Variants in ARHGEF26 observed in about 807,000 individuals in gnomAD.
ARHGEF26 encodes Rho guanine nucleotide exchange factor (GEF) 26.
A neutral mutation model predicts 89.4 loss-of-function variants in ARHGEF26; 59 were observed. That is an observed-to-expected ratio of 0.66 (90% CI 0.54 to 0.82). The LOEUF (loss-of-function observed/expected upper bound fraction) is 0.82. Ranked by LOEUF, ARHGEF26 falls within the 40% of genes least tolerant of loss-of-function variation. The pLI is 0.00. For synonymous variants in ARHGEF26, 500 were observed against 428.4 expected, an observed-to-expected ratio of 1.17 and a Z score of -2.06; for missense variants, 1,234 against 1,085.6, an observed-to-expected ratio of 1.14 and a Z score of -1.92.
intron 4 of ARHGEF26, among the ~76,000 whole-genome samples, chr3:154,132,771 A>G (rs866529485): frequency 2.0e-5 from 3 of 152,278 alleles, no homozygotes; most frequent in Non-Finnish European, 2.9e-5. Flanking sequence ...AGGTCTATAT[A>G]TATAAATACC....
chr3:154,231,792 C>A (rs942059264), intron 11 of ARHGEF26, among the ~76,000 whole-genome samples: 9 of 152,090 alleles, frequency 5.9e-5, no homozygotes, highest in African/African-American at 2.2e-4. Context: ...TATGCCTTTC[C>A]CTCCTCATGA....
rs1209376585 is a variant in ARHGEF26, at chr3:154,255,314, T to A, written c.2474-17T>A. ...CAAATACTTGTTGTTTGGTGTGGAC[T>A]CTGTTCTTTTTCACAGGCTGGTATG... On this transcript the variant is annotated splice_polypyrimidine_tract_variant and intron_variant, in intron 14 of 14. Coordinates refer to ENST00000465093, the MANE Select transcript of ARHGEF26 (RefSeq NM_015595.4). 1.2e-6 allele frequency: 2 copies of A among 1,609,244 alleles called. No homozygotes were observed. Among genetic ancestry groups the A allele is most frequent in the African/African-American group, 2.7e-5 (2 of 74,788 alleles).
rs2108312591 is a variant in ARHGEF26 at position 154,256,881 on chromosome 3, A to G, written c.*1408A>G. The G allele has an allele frequency of 1.3e-6, 2 of 1,535,000 alleles. No homozygotes were observed. The highest frequency in any genetic ancestry group is 2.4e-5 in the East Asian group (1 of 40,854). ...TTTTTCCACTAGTGCACAGAGAGAGAAAGGTTATCTTAATAGTCGGTTTCA... is the reference window on the plus strand; with the variant it reads ...TTTTTCCACTAGTGCACAGAGAGAGGAAGGTTATCTTAATAGTCGGTTTCA... On this transcript the variant is annotated 3_prime_UTR_variant, in exon 15 of 15. Coordinates refer to ENST00000465093, the MANE Select transcript of ARHGEF26 (RefSeq NM_015595.4).
intron 4 of ARHGEF26, among the ~76,000 whole-genome samples, chr3:154,130,147 A>ATTTTTTTTTTTTTTT (rs55816788): frequency 1.0e-4 from 11 of 105,942 alleles, no homozygotes; most frequent in South Asian, 3.0e-4. Flanking sequence ...TTCCTTGGAA[A>ATTTTTTTTTTTTTTT]TTTTTTTTTT....
intron 8 of ARHGEF26, 25 bp from the exon 9 acceptor site, chr3:154,194,619 T>G (rs776495627): frequency 1.0e-5 from 16 of 1,530,760 alleles, no homozygotes; most frequent in South Asian, 9.4e-5. Context: ...ATCAATAAAT[T>G]TTGTTCACTT....
intron 4 of ARHGEF26, among the ~76,000 whole-genome samples, chr3:154,142,863 C>T (rs1527797): frequency 0.61 from 93,440 of 151,982 alleles, 31,223 homozygotes; most frequent in Non-Finnish European, 0.75. Flanking sequence ...TGTCATCACT[C>T]ATTTTCAGCA....
chr3:154,163,051 A>G (rs1026178591), intron 6 of ARHGEF26, among the ~76,000 whole-genome samples: 9 of 152,162 alleles, frequency 5.9e-5, no homozygotes, highest in African/African-American at 2.2e-4. Context: ...CTGATTCACC[A>G]AAAATTGGGT....
intron 6 of ARHGEF26, among the ~76,000 whole-genome samples, chr3:154,157,069 T>C (rs1475202879): frequency 6.6e-6 from 1 of 152,188 alleles, no homozygotes; most frequent in African/African-American, 2.4e-5. Context: ...AAGTTGACAC[T>C]ATTTGAAAAC....
Position 154,168,133 on chromosome 3 carries a change from A to G in ARHGEF26, c.1487+15201A>G, listed in dbSNP as rs780478465. Among the ~76,000 whole-genome samples the G allele has an allele frequency of 3.9e-5, 6 of 152,340 alleles. No individual in the cohort carries two copies. The South Asian group carries it at 6.2e-4, about 16-fold the overall frequency. Reference sequence around the variant, plus strand: ...AATTTTGGGATTGAGTTTAGAGGCCATATATCCCATTCTGTAATTTACAGA... The same window carrying G: ...AATTTTGGGATTGAGTTTAGAGGCCGTATATCCCATTCTGTAATTTACAGA... On this transcript the variant is annotated intron_variant, in intron 6 of 14. Coordinates refer to ENST00000465093, the MANE Select transcript of ARHGEF26 (RefSeq NM_015595.4).
In ARHGEF26 at chr3:154,235,328, AAGGGTTTTG is replaced by A. The variant is rs1559918122; in HGVS notation, c.2091-5041_2091-5033del. Among the ~76,000 whole-genome samples, 59 of 152,208 alleles carry A rather than the reference AAGGGTTTTG, an allele frequency of 3.9e-4. 1 individual carries two copies. In the East Asian group the frequency reaches 8.3e-3, roughly 21 times the overall value. ...AAACCTGTTAAGTTTAATCCATATT[AAGGGTTTTG>A]TGGGTTTTGTCATAAAGTGGGTTTT... On this transcript the variant is annotated intron_variant, in intron 11 of 14. Transcript: ENST00000465093.
At chr3:154,232,119 A>T (rs1216937123) in intron 11 of ARHGEF26, among the ~76,000 whole-genome samples, 1 of 152,140 alleles carries the variant, frequency 6.6e-6, no homozygotes, top group Non-Finnish European at 1.5e-5. Context: ...AGCTTATCCC[A>T]GGGAGAGAGC....
chr3:154,141,105 G>GC (rs1162369604), intron 4 of ARHGEF26, among the ~76,000 whole-genome samples: 2 of 152,132 alleles, frequency 1.3e-5, no homozygotes, highest in African/African-American at 4.8e-5. Flanking sequence ...GGGACTACAG[G>GC]CGGCTGCCAC....
At chr3:154,215,960 C>CA (rs1421025689) in intron 9 of ARHGEF26, among the ~76,000 whole-genome samples, 1 of 151,510 alleles carries the variant, frequency 6.6e-6, no homozygotes, top group African/African-American at 2.4e-5. Context: ...TGATCATTTC[C>CA]AAAAAAGAAA....
intron 9 of ARHGEF26, among the ~76,000 whole-genome samples, chr3:154,207,297 C>T (rs1576779079): frequency 6.6e-6 from 1 of 151,554 alleles, no homozygotes; most frequent in African/African-American, 2.4e-5. Context: ...GCAAAGGAAA[C>T]TCTCAACAGA....
chr3:154,218,958 A>C (rs1241454428), intron 10 of ARHGEF26, among the ~76,000 whole-genome samples: 1 of 152,226 alleles, frequency 6.6e-6, no homozygotes, highest in Admixed American at 6.5e-5. Flanking sequence ...CTTCTACTGT[A>C]ACATTCTGAC....
intron 12 of ARHGEF26, among the ~76,000 whole-genome samples, chr3:154,249,693 G>T (rs530489392): frequency 6.6e-6 from 1 of 152,288 alleles, no homozygotes; most frequent in South Asian, 2.1e-4. Flanking sequence ...TGTGCAAAGT[G>T]AATGTGGGTA....
rs749619756 is a variant in ARHGEF26, at chr3:154,122,394, C to T, written c.402C>T (p.Thr134=). 8 of 1,610,434 alleles carry T rather than the reference C, an allele frequency of 5.0e-6. No homozygotes were observed. The African/African-American group carries it at 1.1e-4, about 22-fold the overall frequency. ...AATCCCCAGCAAATGGCGCGGTGAC[C>T]TTGCCTGCGCCGCCGCCGCCGCCGG... The part of the protein sequence containing the change: ...SPKSPANGAV[T]LPAPPPPPVL... The change falls in exon 2 of 15, where the codon ACC becomes ACT. Residue 134 remains threonine, a synonymous_variant. Transcript: ENST00000465093.
chr3:154,245,245 C>T (rs966966003), intron 12 of ARHGEF26, among the ~76,000 whole-genome samples: 1 of 152,090 alleles, frequency 6.6e-6, no homozygotes, highest in Non-Finnish European at 1.5e-5. Flanking sequence ...CCAGGCTGGT[C>T]TCAAAACTCC....
intron 4 of ARHGEF26, among the ~76,000 whole-genome samples, chr3:154,139,417 C>T (rs1292638966): frequency 6.6e-6 from 1 of 152,128 alleles, no homozygotes; most frequent in Non-Finnish European, 1.5e-5. Context: ...TCTCAACTAG[C>T]TATTTCTTTT....
Sources: allele counts gnomAD v4.1 joint callset (sites outside exome capture counted in the v4.1 genomes callset), GRCh38; gene constraint gnomAD v4.1.1; transcripts MANE v1.5; gene names NCBI Gene and HGNC (gene_info 2026-07-23, HGNC 2026-07-21).